PCDHGA9: variants seen among roughly 807,000 people sequenced by gnomAD.
PCDHGA9 encodes the protein protocadherin gamma subfamily A, 9, also known as protocadherin gamma-A9.
A neutral mutation model predicts 62.5 loss-of-function variants in PCDHGA9; 37 were observed. The ratio of observed to expected loss-of-function variants is 0.59; its 90% CI spans 0.46 to 0.78. The LOEUF (loss-of-function observed/expected upper bound fraction) is 0.78, where lower values mean the gene tolerates loss of function less well. PCDHGA9 is among the 30% of genes least tolerant of loss of function. The pLI is 0.00. For synonymous variants in PCDHGA9, 459 were observed against 484.6 expected (o/e 0.95, Z 0.69); for missense variants, 1,138 against 1,166.2 (o/e 0.98, Z 0.35).
At chr5:141,468,409 A>G (rs183146641) in intron 1 of PCDHGA9, 1 of 152,230 alleles carries the variant, frequency 6.6e-6, no homozygotes, top group East Asian at 1.9e-4. Flanking sequence ...AACTAATAAT[A>G]AGTTAGATAG....
At chr5:141,495,149 G>A (rs1448841303) in intron 2 of PCDHGA9, among the ~76,000 whole-genome samples, 1 of 152,170 alleles carries the variant, frequency 6.6e-6, no homozygotes, top group Non-Finnish European at 1.5e-5. Context: ...CCAAAGGATG[G>A]TCTTAAGCTG....
At position 141,489,108 on chromosome 5, in the gene PCDHGA9, A is replaced by C; in HGVS notation, c.2425-5699A>C. The C allele has an allele frequency of 2.0e-6, 1 of 489,086 alleles. No individual in the cohort carries two copies. The highest frequency in any genetic ancestry group is 3.5e-6 in the Non-Finnish European group (1 of 287,626). 30.3% of individuals were successfully genotyped at this position (489,086 alleles called of 1,614,324 possible). On this transcript the variant is annotated intron_variant, in intron 1 of 3. Transcript: ENST00000573521. This position sits in a 1 kb window ranked among gnomAD's most constrained non-coding sequence, Gnocchi z 4.5. The stretch of plus-strand genomic sequence containing the variant: ...TCGGTGACTAAGAACTGCTGCAAGC[A>C]GGCAAACCTCCGAGCAGTTTTTAAG...
chr5:141,421,404 G>A, intron 1 of PCDHGA9: 17 of 1,614,080 alleles, frequency 1.1e-5, no homozygotes, highest in Non-Finnish European at 1.4e-5. Flanking sequence ...AGCCCCGGGA[G>A]CTGGCGAAGC....
chr5:141,430,560 G>T (rs1184226832), intron 1 of PCDHGA9: 1 of 420,160 alleles, frequency 2.4e-6, no homozygotes, highest in Non-Finnish European at 4.1e-6. Context: ...ACCAATCGGG[G>T]AGAGAAAAGC....
intron 2 of PCDHGA9, among the ~76,000 whole-genome samples, chr5:141,502,200 C>T (rs553356132): frequency 6.6e-6 from 1 of 152,252 alleles, no homozygotes; most frequent in African/African-American, 2.4e-5. Flanking sequence ...AATATAGAAT[C>T]CACCAGCAGA....
At chr5:141,413,877 G>GAC (rs751994783) in intron 1 of PCDHGA9, 1 of 1,613,386 alleles carries the variant, frequency 6.2e-7, no homozygotes. Flanking sequence ...TTGTCAGTGT[G>GAC]ACTGTCTTCG....
chr5:141,449,073 T>C (rs889880816), intron 1 of PCDHGA9, among the ~76,000 whole-genome samples: 1 of 152,246 alleles, frequency 6.6e-6, no homozygotes, highest in African/African-American at 2.4e-5. Flanking sequence ...TGAATAGCCC[T>C]GTACCTACAT....
intron 1 of PCDHGA9, among the ~76,000 whole-genome samples, chr5:141,435,833 A>G (rs1354866725): frequency 6.6e-6 from 1 of 152,112 alleles, no homozygotes; most frequent in Non-Finnish European, 1.5e-5. Flanking sequence ...TTTGCTGCCT[A>G]TCTACTTTGA....
chr5:141,443,104 C>A (rs950011995), intron 1 of PCDHGA9, among the ~76,000 whole-genome samples: 1 of 151,854 alleles, frequency 6.6e-6, no homozygotes, highest in East Asian at 1.9e-4. Flanking sequence ...TCAAGCTGAA[C>A]CTTGCTTTTC....
intron 1 of PCDHGA9, chr5:141,427,790 C>G: frequency 6.7e-7 from 1 of 1,482,224 alleles, no homozygotes; most frequent in South Asian, 1.1e-5. Flanking sequence ...TGTCGTCCTA[C>G]GTGTCCGTGA....
intron 1 of PCDHGA9, chr5:141,423,638 A>G (rs771989468): frequency 2.5e-6 from 4 of 1,598,292 alleles, no homozygotes; most frequent in Non-Finnish European, 3.4e-6. Context: ...ATTTTAGGCA[A>G]ATGTGACCCG....
chr5:141,415,167 C>T (rs769256903), intron 1 of PCDHGA9: 3 of 1,613,894 alleles, frequency 1.9e-6, no homozygotes, highest in Admixed American at 3.3e-5. Flanking sequence ...CTGTCACGCT[C>T]ACCGTGGCCG....
chr5:141,423,680 C>T (rs2096766182), intron 1 of PCDHGA9: 1 of 1,479,088 alleles, frequency 6.8e-7, no homozygotes, highest in African/African-American at 1.5e-5. Context: ...ATTTCTCTGC[C>T]TCCTAATTGT....
At chr5:141,461,924 A>C (rs930104571) in intron 1 of PCDHGA9, among the ~76,000 whole-genome samples, 1 of 152,100 alleles carries the variant, frequency 6.6e-6, no homozygotes, top group East Asian at 1.9e-4. Context: ...CCTGGGTTCC[A>C]GCAATTCTCC....
chr5:141,481,913 CAAAAAAAA>C (rs34114744), intron 1 of PCDHGA9, among the ~76,000 whole-genome samples: 1 of 90,852 alleles, frequency 1.1e-5, no homozygotes, highest in African/African-American at 4.2e-5. Flanking sequence ...AACTCCATCT[CAAAAAAAA>C]AAAAAAAAAA....
chr5:141,410,945 C>A, intron 1 of PCDHGA9: 1 of 192,458 alleles, frequency 5.2e-6, no homozygotes, highest in Non-Finnish European at 1.0e-5. Context: ...CCTCCGCCTT[C>A]TGGGTTCAAG....
chr5:141,465,782 T>G (rs2099109563), intron 1 of PCDHGA9, among the ~76,000 whole-genome samples: 1 of 152,076 alleles, frequency 6.6e-6, no homozygotes, highest in African/African-American at 2.4e-5. Flanking sequence ...TGTTACAGTT[T>G]TTTTTTTTTT....
intron 1 of PCDHGA9, among the ~76,000 whole-genome samples, chr5:141,484,084 T>A (rs1030166144): frequency 3.3e-5 from 5 of 152,174 alleles, no homozygotes; most frequent in African/African-American, 4.8e-5. Flanking sequence ...TCTTTTGAAA[T>A]GGTCTTCGTT....
chr5:141,490,576 G>T lies in PCDHGA9; in HGVS notation c.2425-4231G>T. On this transcript the variant is annotated intron_variant, in intron 1 of 3. Transcript: ENST00000573521. The surrounding 1 kb of genome is among the most constrained non-coding windows in gnomAD (Gnocchi z 5.4). ...TCTCACCATCAGGCTCAACATTTCA[G>T]ATGTCAATGACAATGCACCCCGCTT... 2.5e-6 allele frequency: 4 copies of T among 1,614,134 alleles called. No homozygotes were observed. The highest frequency in any genetic ancestry group is 3.4e-6 in the Non-Finnish European group (4 of 1,180,030).
Sources: allele counts gnomAD v4.1 joint callset (sites outside exome capture counted in the v4.1 genomes callset), GRCh38; gene constraint gnomAD v4.1.1; non-coding constraint Gnocchi (gnomAD v3.1); transcripts MANE v1.5; gene names NCBI Gene and HGNC (gene_info 2026-07-23, HGNC 2026-07-21).